Variants in FGFR2 observed in about 807,000 individuals in gnomAD.
FGFR2 encodes BEK fibroblast growth factor receptor.
A neutral mutation model predicts 95.9 loss-of-function variants in FGFR2; 19 were observed. That is an observed-to-expected ratio of 0.20 (90% CI 0.14 to 0.29). The LOEUF is 0.29. Among genes scored for constraint, FGFR2 ranks in the 10% least tolerant of loss-of-function variants. FGFR2 has a pLI of 1.00. For synonymous variants in FGFR2, 392 were observed against 393.3 expected, an observed-to-expected ratio of 1.00 and a Z score of 0.04; for missense variants, 707 against 1,056.9, an observed-to-expected ratio of 0.67 and a Z score of 4.59.
chr10:121,526,469 T>A (rs1851380084), intron 6 of FGFR2, among the ~76,000 whole-genome samples: 2 of 152,234 alleles, frequency 1.3e-5, no homozygotes, highest in Admixed American at 6.5e-5. Flanking sequence ...AGACTCCACC[T>A]AACGCACTCA....
In FGFR2 at chr10:121,578,672, G is replaced by A. The variant is rs556227375; in HGVS notation, c.110-12968C>T. Reference sequence around the variant, plus strand: ...CGCCTGTAATCCCAGCACTTTGGGAGGCCAAGACAGGTGGGTCACTTGAGG... The same window carrying A: ...CGCCTGTAATCCCAGCACTTTGGGAAGCCAAGACAGGTGGGTCACTTGAGG... On this transcript the variant is annotated intron_variant, in intron 2 of 17. Coordinates refer to ENST00000358487, the MANE Select transcript of FGFR2 (RefSeq NM_000141.5). 2.6e-5 allele frequency among the ~76,000 whole-genome samples: 4 copies of A among 152,374 alleles called. No individual in the cohort carries two copies. In the South Asian group the frequency reaches 6.2e-4, roughly 24 times the overall value.
chr10:121,553,913 A>G (rs1855742827), intron 4 of FGFR2, among the ~76,000 whole-genome samples: 1 of 152,198 alleles, frequency 6.6e-6, no homozygotes, highest in Non-Finnish European at 1.5e-5. Flanking sequence ...ACCGGCCCAG[A>G]CCACGCGCAC....
At position 121,518,138 on chromosome 10, in the gene FGFR2, T is replaced by A. The variant is rs532739883; in HGVS notation, c.940-675A>T. 104 of 391,886 alleles carry A rather than the reference T, an allele frequency of 2.7e-4. No individual in the cohort carries two copies. Among genetic ancestry groups the A allele is most frequent in the African/African-American group, 2.0e-3 (90 of 45,918 alleles). The allele number at this position is 391,886 out of a possible 1,614,324, so 24.3% of individuals were successfully genotyped here. A position where few individuals can be genotyped will look rare whatever the true frequency, so the allele number is the denominator to read the frequency against. Reference sequence around the variant, plus strand: ...AAACCTAAAAAGTCAACCTTTTGCCTTTAGTAGCGTCCAGTAGTACATTCA... The same window carrying A: ...AAACCTAAAAAGTCAACCTTTTGCCATTAGTAGCGTCCAGTAGTACATTCA... On this transcript the variant is annotated intron_variant, in intron 7 of 17. Transcript: ENST00000358487. This position sits in a 1 kb window ranked among gnomAD's most constrained non-coding sequence, Gnocchi z 4.0.
intron 1 of FGFR2, among the ~76,000 whole-genome samples, chr10:121,597,467 C>A (rs1398790760): frequency 6.6e-6 from 1 of 152,244 alleles, no homozygotes; most frequent in East Asian, 1.9e-4. Context: ...GCCATCGCCA[C>A]CCCTACGGGA....
At chr10:121,573,395 T>C (rs1859167702) in intron 2 of FGFR2, among the ~76,000 whole-genome samples, 1 of 152,162 alleles carries the variant, frequency 6.6e-6, no homozygotes, top group African/African-American at 2.4e-5. Flanking sequence ...GTTCCAAGGA[T>C]GCGGTGGGGT....
Position 121,479,365 on chromosome 10 carries a change from C to T in FGFR2, c.*492G>A, listed in dbSNP as rs1040523900. The T allele has an allele frequency of 3.3e-6, 1 of 299,538 alleles. No homozygotes were observed. Among genetic ancestry groups the T allele is most frequent in the African/African-American group, 2.1e-5 (1 of 46,568 alleles). 18.6% of individuals were successfully genotyped at this position (299,538 alleles called of 1,614,324 possible). A position where few individuals can be genotyped will look rare whatever the true frequency, so the allele number is the denominator to read the frequency against. ...CAAATAGCTATTAAAAAAAGAGAGA[C>T]CAATTTTCTAGGTGCATTGGGACAT... On this transcript the variant is annotated 3_prime_UTR_variant, in exon 18 of 18. Transcript: ENST00000358487.
At chr10:121,491,730 C>T (rs768902406) in intron 13 of FGFR2, among the ~76,000 whole-genome samples, 6 of 152,076 alleles carry the variant, frequency 3.9e-5, no homozygotes, top group South Asian at 2.1e-4. Flanking sequence ...ATTAGCCGGG[C>T]GTGGTGGCAA....
intron 2 of FGFR2, among the ~76,000 whole-genome samples, chr10:121,570,618 C>G (rs968676014): frequency 1.3e-5 from 2 of 152,234 alleles, no homozygotes; most frequent in African/African-American, 2.4e-5. Flanking sequence ...CCCAACATCT[C>G]CCTCATCTCC....
intron 4 of FGFR2, among the ~76,000 whole-genome samples, chr10:121,559,133 A>AAAAC (rs1564987292): frequency 6.7e-6 from 1 of 148,666 alleles, no homozygotes. Context: ...AAAAAAAAAA[A>AAAAC]CTCAAAAAAG....
At chr10:121,593,687 A>G in intron 2 of FGFR2, 22 bp downstream of exon 2, 1 of 1,607,582 alleles carries the variant, frequency 6.2e-7, no homozygotes, top group African/African-American at 1.3e-5. Context: ...ACAAACCTGA[A>G]AAGTGAAATT....
rs1849866968 is a variant in FGFR2 at position 121,517,617 on chromosome 10, G to C, written c.940-154C>G. The C allele has an allele frequency of 3.6e-6, 3 of 839,958 alleles. No homozygotes were observed. The South Asian group carries it at 4.3e-5, about 12-fold the overall frequency. 52.0% of individuals were successfully genotyped at this position (839,958 alleles called of 1,614,324 possible). On this transcript the variant is annotated intron_variant, in intron 7 of 17. Coordinates refer to ENST00000358487, the MANE Select transcript of FGFR2 (RefSeq NM_000141.5). This position sits in a 1 kb window ranked among gnomAD's most constrained non-coding sequence, Gnocchi z 4.7. ...GCCCATCCACAAAGCCCACAACCGA[G>C]AGACACGGAGCAACACTGACCAGCT...
rs1169651280 is a variant in FGFR2, at chr10:121,481,839, T to A, written c.2302-1818A>T. ...TCCCGGTTTCTTTCTTTTTTATTTT[T>A]ATTTTTTTTTTTTTTGAGACGGAGT... On this transcript the variant is annotated intron_variant, in intron 17 of 17. Transcript: ENST00000358487. 10 of 189,174 alleles carry A rather than the reference T, an allele frequency of 5.3e-5. No individual in the cohort carries two copies. In the East Asian group the frequency reaches 9.3e-4, roughly 18 times the overall value. The allele number at this position is 189,174 out of a possible 1,614,324, so 11.7% of individuals were successfully genotyped here.
At position 121,500,819 on chromosome 10, in the gene FGFR2, C is replaced by T. The variant is rs757328995; in HGVS notation, c.1561+7G>A. 68 of 1,613,870 alleles carry T rather than the reference C, an allele frequency of 4.2e-5. No homozygotes were observed. The highest frequency in any genetic ancestry group is 5.2e-5 in the Non-Finnish European group (61 of 1,180,028). On this transcript the variant is annotated splice_region_variant and intron_variant, in intron 11 of 17. Coordinates refer to ENST00000358487, the MANE Select transcript of FGFR2 (RefSeq NM_000141.5). The stretch of plus-strand genomic sequence containing the variant: ...CCCCTCCCCGAGCCTCCCGCCTCCC[C>T]GCTCACCTTTCAACATCTTCACGGC...
Position 121,527,563 on chromosome 10 carries a change from A to G in FGFR2, c.749-7394T>C, listed in dbSNP as rs368737755. ...CACATTCAAAAATGGTTACAGAGGT[A>G]TATTTTATGTTATGTATATTTTACC... On this transcript the variant is annotated intron_variant, in intron 6 of 17. Transcript: ENST00000358487. 7 of 147,874 alleles carry G rather than the reference A, an allele frequency of 4.7e-5. No homozygotes were observed. The South Asian group carries it at 9.1e-4, about 19-fold the overall frequency. The allele number at this position is 147,874 out of a possible 1,614,324, so 9.2% of individuals were successfully genotyped here. A position where few individuals can be genotyped will look rare whatever the true frequency, so the allele number is the denominator to read the frequency against.
In FGFR2 at chr10:121,518,115, A is replaced by T; in HGVS notation, c.940-652T>A. 2.2e-6 allele frequency: 1 copy of T among 447,528 alleles called. No individual in the cohort carries two copies. Among genetic ancestry groups the T allele is most frequent in the Middle Eastern group, 3.5e-4 (1 of 2,860 alleles). The allele number at this position is 447,528 out of a possible 1,614,324, so 27.7% of individuals were successfully genotyped here. ...AACATTTGGATGTGAGTCATGACAA[A>T]CCTAAAAAGTCAACCTTTTGCCTTT... On this transcript the variant is annotated intron_variant, in intron 7 of 17. Coordinates refer to ENST00000358487, the MANE Select transcript of FGFR2 (RefSeq NM_000141.5). This position sits in a 1 kb window ranked among gnomAD's most constrained non-coding sequence, Gnocchi z 4.0.
At chr10:121,558,044 G>A (rs1246251135) in intron 4 of FGFR2, among the ~76,000 whole-genome samples, 9 of 152,074 alleles carry the variant, frequency 5.9e-5, no homozygotes, top group Admixed American at 4.6e-4. Flanking sequence ...CACTTCCCTC[G>A]AGTTAAGCAA....
chr10:121,491,214 C>A (rs1397409479), intron 13 of FGFR2, among the ~76,000 whole-genome samples: 1 of 152,126 alleles, frequency 6.6e-6, no homozygotes, highest in East Asian at 1.9e-4. Context: ...CGTGGCCATC[C>A]CTCATCCCAG....
Position 121,546,185 on chromosome 10 carries a change from T to TAA in FGFR2, c.624+5103_624+5104dup, listed in dbSNP as rs35408469. Among the ~76,000 whole-genome samples the TAA allele has an allele frequency of 5.2e-3, 698 of 135,340 alleles. 6 individuals are homozygous for TAA. The highest frequency in any genetic ancestry group is 0.011 in the South Asian group (46 of 4,340). The allele number at this position is 135,340 out of a possible 152,430, so 88.8% of individuals were successfully genotyped here. On this transcript the variant is annotated intron_variant, in intron 5 of 17. Coordinates refer to ENST00000358487, the MANE Select transcript of FGFR2 (RefSeq NM_000141.5). Reference sequence around the variant, plus strand: ...CTAGCCATGAAGGTAACCTCTTTATTAAAAAAAAAAAAAAAAAATCTGTGC... The same window carrying TAA: ...CTAGCCATGAAGGTAACCTCTTTATTAAAAAAAAAAAAAAAAAAAATCTGTGC...
At chr10:121,497,469 G>C (rs190745962) in intron 12 of FGFR2, among the ~76,000 whole-genome samples, 2 of 152,190 alleles carry the variant, frequency 1.3e-5, no homozygotes, top group Admixed American at 1.3e-4. Flanking sequence ...GGAACCTGTT[G>C]GGCTTATAAA....
Sources: gnomAD v4.1 joint callset for allele counts (sites outside exome capture counted in the v4.1 genomes callset) on GRCh38, gnomAD v4.1.1 for gene constraint, Gnocchi (gnomAD v3.1) non-coding constraint, MANE v1.5 for transcripts, NCBI Gene and HGNC (gene_info 2026-07-23, HGNC 2026-07-21) for gene names.